DPP10: variants seen among roughly 807,000 people sequenced by gnomAD.
The protein encoded by DPP10 is dipeptidyl peptidase like 10, also known as inactive dipeptidyl peptidase 10.
A neutral mutation model predicts 120.9 loss-of-function variants in DPP10; 33 were observed. The ratio of observed to expected loss-of-function variants is 0.27; its 90% confidence interval spans 0.21 to 0.37. DPP10 has a LOEUF of 0.37. DPP10 is among the 10% of genes least tolerant of loss of function. The pLI is 1.00. For missense variants in DPP10, 816 were observed against 942.8 expected, an observed-to-expected ratio of 0.87 and a Z score of 1.76; for synonymous variants, 337 against 326.1, an observed-to-expected ratio of 1.03 and a Z score of -0.36.
chr2:115,674,448 T>G lies in DPP10; in HGVS notation c.442-15239T>G, dbSNP rs371861476. On this transcript the variant is annotated intron_variant, in intron 5 of 25. Transcript: ENST00000410059. ...TTTTTGCTGTAAATCGTATGTACTC[T>G]CTCCACCTTGCCGGCAGTTACATGC... 7.2e-5 allele frequency among the ~76,000 whole-genome samples: 11 copies of G among 151,914 alleles called. 1 individual carries two copies. The East Asian group carries it at 1.2e-3, about 16-fold the overall frequency.
intron 1 of DPP10, among the ~76,000 whole-genome samples, chr2:115,292,341 GCATTATTTAAA>G (rs1442828805): frequency 3.9e-5 from 6 of 151,990 alleles, no homozygotes; most frequent in African/African-American, 1.4e-4. Flanking sequence ...TTTTAGAACA[GCATTATTTAAA>G]CTTTCTTGCT....
At position 115,727,824 on chromosome 2, in the gene DPP10, T is replaced by G. The variant is rs373242232; in HGVS notation, c.585T>G (p.Ile195Met). ...CACATTTCCTGATCCAGATTTATAT[T>G]TTTGAAAATAATATCTACTATCAAC... ...WGVQGQQLIY[I>M]FENNIYYQPD... is the part of the protein sequence containing the mutation. Residue 195 changes from isoleucine to methionine, a missense_variant, in exon 8 of 26, where the codon ATT becomes ATG. This residue lies in a region of DPP10 where 42 missense variants were observed against 86.4 expected (regional missense o/e 0.49). Transcript: ENST00000410059. 6.7e-5 allele frequency: 106 copies of G among 1,584,770 alleles called. 1 individual carries two copies. The South Asian group carries it at 8.5e-4, about 13-fold the overall frequency.
chr2:115,546,015 A>G (rs1368817518), intron 5 of DPP10, among the ~76,000 whole-genome samples: 2 of 152,122 alleles, frequency 1.3e-5, no homozygotes, highest in Non-Finnish European at 2.9e-5. Context: ...AGAATGGACA[A>G]AAAAGGCAAG....
chr2:115,361,551 GTTC>G (rs1230730792), intron 3 of DPP10, among the ~76,000 whole-genome samples: 1 of 152,090 alleles, frequency 6.6e-6, no homozygotes, highest in East Asian at 1.9e-4. Context: ...AATCTTCTGA[GTTC>G]TTCTCAGATT....
At chr2:115,251,169 A>G (rs2058734771) in intron 1 of DPP10, among the ~76,000 whole-genome samples, 1 of 152,198 alleles carries the variant, frequency 6.6e-6, no homozygotes. Context: ...ATTGGAATCT[A>G]TGACTATTTT....
At chr2:115,465,010 A>C (rs1168239687) in intron 3 of DPP10, among the ~76,000 whole-genome samples, 1 of 152,204 alleles carries the variant, frequency 6.6e-6, no homozygotes, top group African/African-American at 2.4e-5. Flanking sequence ...ACAAGTCACT[A>C]ACACAGTCTG....
chr2:114,523,643 C>CT (rs926207345), intron 1 of DPP10, among the ~76,000 whole-genome samples: 17 of 152,228 alleles, frequency 1.1e-4, no homozygotes, highest in Non-Finnish European at 2.2e-4. Flanking sequence ...AAAGCCTAGA[C>CT]TTTTTTTAAG....
At chr2:115,697,046 A>G (rs958841140) in intron 7 of DPP10, among the ~76,000 whole-genome samples, 7 of 152,086 alleles carry the variant, frequency 4.6e-5, no homozygotes, top group Non-Finnish European at 8.8e-5. Flanking sequence ...GTTGCATGGA[A>G]CCGCCATGGT....
chr2:115,512,920 CT>C, intron 4 of DPP10, among the ~76,000 whole-genome samples: 1 of 152,096 alleles, frequency 6.6e-6, no homozygotes, highest in African/African-American at 2.4e-5. Context: ...TGTTTGTCTT[CT>C]ATTTTATTAC....
intron 3 of DPP10, among the ~76,000 whole-genome samples, chr2:115,484,139 ACCC>A (rs56216018): frequency 1.1e-4 from 16 of 143,774 alleles, no homozygotes; most frequent in African/African-American, 2.6e-4. Context: ...CCACCAGTAC[ACCC>A]CCCCCCCACA....
At chr2:114,589,009 C>T (rs549408892) in intron 1 of DPP10, among the ~76,000 whole-genome samples, 1 of 136,628 alleles carries the variant, frequency 7.3e-6, no homozygotes, top group Non-Finnish European at 1.5e-5. Flanking sequence ...TACAATTATG[C>T]TGTCCGGTAG....
chr2:115,099,920 C>T (rs1433007816), intron 1 of DPP10, among the ~76,000 whole-genome samples: 2 of 152,188 alleles, frequency 1.3e-5, no homozygotes, highest in African/African-American at 4.8e-5. Context: ...TCAATAAGAT[C>T]TAACATATGA....
At chr2:115,311,108 C>T (rs1378128162) in intron 2 of DPP10, among the ~76,000 whole-genome samples, 4 of 152,094 alleles carry the variant, frequency 2.6e-5, no homozygotes, top group Non-Finnish European at 5.9e-5. Flanking sequence ...TCATTTTGTC[C>T]TGCACTTATT....
intron 3 of DPP10, among the ~76,000 whole-genome samples, chr2:115,417,472 T>C (rs1442887409): frequency 6.6e-6 from 1 of 152,182 alleles, no homozygotes; most frequent in Non-Finnish European, 1.5e-5. Context: ...ATAAATGTTA[T>C]AATAACAACA....
intron 21 of DPP10, among the ~76,000 whole-genome samples, chr2:115,824,176 A>G (rs573997387): frequency 6.6e-6 from 1 of 152,152 alleles, no homozygotes; most frequent in African/African-American, 2.4e-5. Context: ...TATGAAATTT[A>G]AAAAAATGCT....
chr2:114,694,153 T>G (rs1699929189), intron 1 of DPP10, among the ~76,000 whole-genome samples: 1 of 151,982 alleles, frequency 6.6e-6, no homozygotes, highest in African/African-American at 2.4e-5. Flanking sequence ...TCTTTGAACT[T>G]ATTTTATTAA....
At chr2:115,135,076 C>T (rs182989730) in intron 1 of DPP10, among the ~76,000 whole-genome samples, 2 of 152,058 alleles carry the variant, frequency 1.3e-5, no homozygotes, top group Non-Finnish European at 2.9e-5. Context: ...AGGCTTCCAC[C>T]TATTAGCTCA....
intron 1 of DPP10, among the ~76,000 whole-genome samples, chr2:114,747,336 G>A (rs1303923755): frequency 6.6e-6 from 1 of 152,078 alleles, no homozygotes; most frequent in Non-Finnish European, 1.5e-5. Context: ...CTTTGTAAGT[G>A]TGATAACTAT....
intron 3 of DPP10, among the ~76,000 whole-genome samples, chr2:115,483,740 G>T (rs1426607225): frequency 6.6e-6 from 1 of 152,078 alleles, no homozygotes; most frequent in Non-Finnish European, 1.5e-5. Context: ...CTTACTGGCA[G>T]ACTTACTTGT....
Sources: gnomAD v4.1 joint callset for allele counts (sites outside exome capture counted in the v4.1 genomes callset) on GRCh38, gnomAD v4.1.1 for gene constraint, gnomAD v4.1.1 regional missense constraint, MANE v1.5 for transcripts, NCBI Gene and HGNC (gene_info 2026-07-23, HGNC 2026-07-21) for gene names.